SHISA9: variants seen among roughly 807,000 people sequenced by gnomAD.
The protein encoded by SHISA9 is shisa family member 9, also known as protein shisa-9.
A neutral mutation model predicts 38.0 loss-of-function variants in SHISA9; 13 were observed. That is an observed-to-expected ratio of 0.34 (90% CI 0.22 to 0.54). The LOEUF is 0.54. Among genes scored for constraint, SHISA9 ranks in the 20% least tolerant of loss-of-function variants. The pLI, the probability that SHISA9 is intolerant of heterozygous loss-of-function variation, is 0.91. For missense variants in SHISA9, 538 were observed against 575.8 expected (o/e 0.93, Z 0.67); for synonymous variants, 275 against 242.0 (o/e 1.14, Z -1.27).
intron 2 of SHISA9, among the ~76,000 whole-genome samples, chr16:13,058,780 T>TGTGC (rs2073339717): frequency 6.6e-6 from 1 of 151,216 alleles, no homozygotes; most frequent in African/African-American, 2.4e-5. Flanking sequence ...TGTGTGTGTG[T>TGTGC]GTGAATGTGT....
intron 2 of SHISA9, among the ~76,000 whole-genome samples, chr16:13,046,607 G>C (rs1181718225): frequency 6.6e-6 from 1 of 152,168 alleles, no homozygotes; most frequent in Non-Finnish European, 1.5e-5. Flanking sequence ...TGATTGCTTT[G>C]CTCCTCCCTC....
the SHISA9 span, among the ~76,000 whole-genome samples, chr16:13,555,042 T>A: frequency 2.0e-5 from 3 of 152,230 alleles, no homozygotes; most frequent in Admixed American, 1.3e-4. Flanking sequence ...GGACTTTCTA[T>A]TAACTTCAAA....
At chr16:13,328,611 C>G in the SHISA9 span, among the ~76,000 whole-genome samples, 1 of 143,872 alleles carries the variant, frequency 7.0e-6, no homozygotes, top group South Asian at 2.3e-4. Flanking sequence ...CACACACACA[C>G]ACACACACAC....
At chr16:12,912,280 G>T (rs1336955719) in intron 1 of SHISA9, among the ~76,000 whole-genome samples, 2 of 152,150 alleles carry the variant, frequency 1.3e-5, no homozygotes, top group African/African-American at 2.4e-5. Context: ...GGGCTGCCCT[G>T]GGGAAAAGTG....
intron 2 of SHISA9, among the ~76,000 whole-genome samples, chr16:12,991,970 C>G (rs1438274182): frequency 6.6e-6 from 1 of 152,118 alleles, no homozygotes; most frequent in East Asian, 1.9e-4. Context: ...TAAAAAAAGT[C>G]ATCTGTAACT....
At chr16:13,276,212 A>G in the SHISA9 span, among the ~76,000 whole-genome samples, 1 of 151,114 alleles carries the variant, frequency 6.6e-6, no homozygotes, top group Non-Finnish European at 1.5e-5. Flanking sequence ...ATAGTCTCCA[A>G]TCTCATCCAG....
At chr16:13,120,938 G>C (rs2050203676) in intron 2 of SHISA9, among the ~76,000 whole-genome samples, 1 of 152,122 alleles carries the variant, frequency 6.6e-6, no homozygotes, top group African/African-American at 2.4e-5. Context: ...AGAGAGCTGT[G>C]ATTCTGTTCA....
rs188896586 is a variant in SHISA9, at chr16:13,094,060, C to T, written c.692-109334C>T. Among the ~76,000 whole-genome samples, 8 of 152,250 alleles carry T rather than the reference C, an allele frequency of 5.3e-5. No individual in the cohort carries two copies. In the East Asian group the frequency reaches 1.5e-3, roughly 29 times the overall value. On this transcript the variant is annotated intron_variant, in intron 2 of 4. Coordinates refer to ENST00000558583, the MANE Select transcript of SHISA9 (RefSeq NM_001145204.3). ...CCTATACCAAGGAGGCTGCTGGGGT[C>T]CCGGTGTCTTGGTACTTTTCCATTC...
the SHISA9 span, among the ~76,000 whole-genome samples, chr16:13,271,421 C>T: frequency 6.6e-6 from 1 of 152,094 alleles, no homozygotes; most frequent in Non-Finnish European, 1.5e-5. Flanking sequence ...AAAAAGCACT[C>T]AGGTTGTTTT....
chr16:13,235,324 G>A lies in SHISA9; in HGVS notation c.1190G>A (p.Ser397Asn), dbSNP rs574064908. 1 of 1,548,446 alleles carries A rather than the reference G, an allele frequency of 6.5e-7. No homozygotes were observed. Among genetic ancestry groups the A allele is most frequent in the African/African-American group, 1.4e-5 (1 of 73,142 alleles). ...GKLGTAETGS[S>N]DPLGTRPQHY... The stretch of plus-strand genomic sequence containing the variant: ...CTTGGCACGGCCGAGACAGGCTCCA[G>A]CGACCCCTTGGGAACTCGCCCCCAG... The change falls in exon 5 of 5, where the codon AGC becomes AAC. Residue 397 changes from serine to asparagine, a missense_variant. Physicochemically the swap from Ser to Asn is conservative, Grantham distance 46 (BLOSUM62 1). This residue lies in a region of SHISA9 where 326 missense variants were observed against 305.9 expected (regional missense o/e 1.07). Coordinates refer to ENST00000558583, the MANE Select transcript of SHISA9 (RefSeq NM_001145204.3).
the SHISA9 span, among the ~76,000 whole-genome samples, chr16:13,512,691 C>G: frequency 6.6e-6 from 1 of 152,110 alleles, no homozygotes; most frequent in Non-Finnish European, 1.5e-5. Flanking sequence ...ACAGAGACCT[C>G]AGAAATAACA....
chr16:13,459,974 C>G, the SHISA9 span, among the ~76,000 whole-genome samples: 3 of 152,130 alleles, frequency 2.0e-5, no homozygotes, highest in African/African-American at 4.8e-5. Context: ...GTGGCATGAT[C>G]TCTGCTCACT....
chr16:13,249,084 A>G, the SHISA9 span, among the ~76,000 whole-genome samples: 2 of 152,174 alleles, frequency 1.3e-5, no homozygotes, highest in Non-Finnish European at 2.9e-5. Flanking sequence ...AACAAATACT[A>G]CAGAATCTGG....
intron 2 of SHISA9, among the ~76,000 whole-genome samples, chr16:12,937,170 C>T (rs1034420692): frequency 2.0e-5 from 3 of 152,246 alleles, no homozygotes; most frequent in East Asian, 1.9e-4. Context: ...ATGACTTGCT[C>T]AGGTCTCTAG....
chr16:13,461,801 G>A, the SHISA9 span, among the ~76,000 whole-genome samples: 1 of 151,376 alleles, frequency 6.6e-6, no homozygotes. Flanking sequence ...TTTTAGTAGA[G>A]ACGGGGTTTC....
chr16:13,375,127 T>C, the SHISA9 span, among the ~76,000 whole-genome samples: 1 of 152,222 alleles, frequency 6.6e-6, no homozygotes, highest in East Asian at 1.9e-4. Context: ...AGGTTGCCTG[T>C]TCACTCCGAT....
intron 2 of SHISA9, among the ~76,000 whole-genome samples, chr16:12,984,318 A>G (rs976019263): frequency 3.3e-5 from 5 of 152,240 alleles, no homozygotes; most frequent in Non-Finnish European, 5.9e-5. Context: ...GTATAAAATC[A>G]TCTTCCTTGT....
At chr16:13,532,994 T>G in the SHISA9 span, among the ~76,000 whole-genome samples, 1 of 152,156 alleles carries the variant, frequency 6.6e-6, no homozygotes, top group Non-Finnish European at 1.5e-5. Flanking sequence ...CTTACCTCAT[T>G]ACTCTGTAGG....
chr16:12,956,403 A>C (rs2071835697), intron 2 of SHISA9, among the ~76,000 whole-genome samples: 1 of 152,210 alleles, frequency 6.6e-6, no homozygotes, highest in Admixed American at 6.5e-5. Flanking sequence ...GAAAGAAATA[A>C]TTATATAAAA....
Sources: allele counts gnomAD v4.1 joint callset (sites outside exome capture counted in the v4.1 genomes callset), GRCh38; gene constraint gnomAD v4.1.1; regional missense constraint gnomAD v4.1.1; transcripts MANE v1.5; gene names NCBI Gene and HGNC (gene_info 2026-07-23, HGNC 2026-07-21).